DIAPH1: variants seen among roughly 807,000 people sequenced by gnomAD.
DIAPH1 encodes the protein diaphanous related formin 1.
DIAPH1 carries 46 observed loss-of-function variants against 140.7 expected under a neutral mutation model. The observed-to-expected ratio is 0.33, with a 90% CI of 0.26 to 0.42. The LOEUF (loss-of-function observed/expected upper bound fraction) is 0.42. Ranked by LOEUF, DIAPH1 falls within the 10% of genes least tolerant of loss-of-function variation. DIAPH1 has a pLI of 1.00. For missense variants in DIAPH1, 1,310 were observed against 1,558.7 expected (o/e 0.84, Z 2.69); for synonymous variants, 565 against 551.6 (o/e 1.02, Z -0.34).
chr5:141,616,428 C>T (rs940060272), intron 1 of DIAPH1, among the ~76,000 whole-genome samples: 1 of 152,216 alleles, frequency 6.6e-6, no homozygotes, highest in African/African-American at 2.4e-5. Flanking sequence ...GACACATACT[C>T]TAGAAAAGGT....
At chr5:141,520,418 A>G (rs1476966649) in intron 27 of DIAPH1, among the ~76,000 whole-genome samples, 1 of 152,166 alleles carries the variant, frequency 6.6e-6, no homozygotes, top group East Asian at 1.9e-4. Flanking sequence ...TGGATCCCTT[A>G]TGAGTGGCTT....
Position 141,588,255 on chromosome 5 carries a change from G to A in DIAPH1, c.118-5C>T. ...TGCCATGAGCCGCTTCAGAGTCTAG[G>A]AAACAGGAAAAAGGAGGGAGAAGAA... On this transcript the variant is annotated splice_polypyrimidine_tract_variant and splice_region_variant and intron_variant, in intron 1 of 27. Transcript: ENST00000389054. 1 of 1,610,940 alleles carries A rather than the reference G, an allele frequency of 6.2e-7. No individual in the cohort carries two copies. Among genetic ancestry groups the A allele is most frequent in the Non-Finnish European group, 8.5e-7 (1 of 1,177,376 alleles).
chr5:141,525,676 A>G (rs2099887226), intron 26 of DIAPH1, among the ~76,000 whole-genome samples: 1 of 152,198 alleles, frequency 6.6e-6, no homozygotes, highest in Non-Finnish European at 1.5e-5. Flanking sequence ...GAGCGTCAGG[A>G]AAATATTTTA....
intron 18 of DIAPH1, among the ~76,000 whole-genome samples, chr5:141,553,651 C>A (rs1238513510): frequency 6.6e-6 from 1 of 151,256 alleles, no homozygotes; most frequent in African/African-American, 2.4e-5. Context: ...CTCAAAAAAA[C>A]CCCCCAAGAA....
At chr5:141,589,920 T>TC (rs1338668855) in intron 1 of DIAPH1, among the ~76,000 whole-genome samples, 3 of 147,834 alleles carry the variant, frequency 2.0e-5, no homozygotes, top group Non-Finnish European at 4.5e-5. Context: ...TAGTAAATCT[T>TC]TTTTTTTTTT....
chr5:141,536,376 AT>A (rs2099889020), intron 18 of DIAPH1, among the ~76,000 whole-genome samples: 1 of 152,162 alleles, frequency 6.6e-6, no homozygotes, highest in African/African-American at 2.4e-5. Context: ...AAGATTAATT[AT>A]CTCAATAAAT....
At chr5:141,575,175 C>G in intron 14 of DIAPH1, 29 bp from the exon 15 acceptor site, 1 of 1,611,740 alleles carries the variant, frequency 6.2e-7, no homozygotes, top group Middle Eastern at 1.6e-4. Flanking sequence ...AGGCTCCCAG[C>G]AAGCTCTCCA....
At chr5:141,618,647 T>C (rs1161692376) in intron 1 of DIAPH1, 151 bp downstream of exon 1, 2 of 543,226 alleles carry the variant, frequency 3.7e-6, no homozygotes, top group Admixed American at 3.5e-5. Flanking sequence ...AGGGAGAGGA[T>C]GTCGGGCTGC....
chr5:141,569,891 C>G (rs537943634), intron 18 of DIAPH1, among the ~76,000 whole-genome samples: 129 of 152,238 alleles, frequency 8.5e-4, no homozygotes, highest in African/African-American at 3.1e-3. Context: ...AGATCTGGGT[C>G]TTCTGAGTGC....
chr5:141,529,470 A>G, intron 20 of DIAPH1, 133 bp downstream of exon 20: 1 of 966,468 alleles, frequency 1.0e-6, no homozygotes, highest in Admixed American at 1.9e-5. Flanking sequence ...CCACCAGAGA[A>G]AAGGCAGTTT....
chr5:141,582,423 T>C, intron 6 of DIAPH1, 48 bp from the exon 7 acceptor site: 3 of 1,361,238 alleles, frequency 2.2e-6, no homozygotes, highest in Non-Finnish European at 3.2e-6. Flanking sequence ...TCTCTACCCC[T>C]TTCCCATTTT....
At chr5:141,592,534 T>C (rs1596397745) in intron 1 of DIAPH1, among the ~76,000 whole-genome samples, 1 of 150,878 alleles carries the variant, frequency 6.6e-6, no homozygotes, top group African/African-American at 2.4e-5. Flanking sequence ...AACACAGGAG[T>C]CCAGGGAGAT....
rs562917104 is a variant in DIAPH1 at position 141,565,387 on chromosome 5, T to G, written c.2482+6041A>C. ...TTCCCATTCCTTTATTAGAATAACATATGTATATAAAAAGTATGATTTAAC... is the reference window on the plus strand; with the variant it reads ...TTCCCATTCCTTTATTAGAATAACAGATGTATATAAAAAGTATGATTTAAC... On this transcript the variant is annotated intron_variant, in intron 18 of 27. Coordinates refer to ENST00000389054, the MANE Select transcript of DIAPH1 (RefSeq NM_005219.5). The surrounding 1 kb of genome is among the most constrained non-coding windows in gnomAD (Gnocchi z 4.3). 129 of 152,210 alleles carry G rather than the reference T, an allele frequency of 8.5e-4. No individual in the cohort carries two copies. Among genetic ancestry groups the G allele is most frequent in the African/African-American group, 3.1e-3 (127 of 41,454 alleles). The allele number at this position is 152,210 out of a possible 1,614,324, so 9.4% of individuals were successfully genotyped here.
chr5:141,551,735 C>T (rs1174087950), intron 18 of DIAPH1, among the ~76,000 whole-genome samples: 3 of 152,152 alleles, frequency 2.0e-5, no homozygotes, highest in Non-Finnish European at 4.4e-5. Context: ...ATTTTGACTA[C>T]TTTTCTCAGT....
At position 141,524,014 on chromosome 5, in the gene DIAPH1, A is replaced by T. The variant is rs567440755; in HGVS notation, c.3661+129T>A. ...AACATGGGAAGAAGAGGACTAGATA[A>T]TCCGTTCTGGATGCAGGGACTAAAA... On this transcript the variant is annotated intron_variant, in intron 27 of 27. Transcript: ENST00000389054. 146 of 841,006 alleles carry T rather than the reference A, an allele frequency of 1.7e-4. No individual in the cohort carries two copies. The South Asian group carries it at 1.9e-3, about 11-fold the overall frequency. The allele number at this position is 841,006 out of a possible 1,614,324, so 52.1% of individuals were successfully genotyped here.
rs900376579 is a variant in DIAPH1 at position 141,558,504 on chromosome 5, T to C, written c.2482+12924A>G. ...GAACTGCAGGTGGGAGTAAGTGGGATAGAAAAATGGGCTTTTCAAAAACTG... is the reference window on the plus strand; with the variant it reads ...GAACTGCAGGTGGGAGTAAGTGGGACAGAAAAATGGGCTTTTCAAAAACTG... On this transcript the variant is annotated intron_variant, in intron 18 of 27. Coordinates refer to ENST00000389054, the MANE Select transcript of DIAPH1 (RefSeq NM_005219.5). 9 of 152,218 alleles carry C rather than the reference T, an allele frequency of 5.9e-5. No individual in the cohort carries two copies. In the South Asian group the frequency reaches 1.0e-3, roughly 18 times the overall value. 9.4% of individuals were successfully genotyped at this position (152,218 alleles called of 1,614,324 possible). A position where few individuals can be genotyped will look rare whatever the true frequency, so the allele number is the denominator to read the frequency against.
Position 141,618,886 on chromosome 5 carries a change from G to A in DIAPH1, c.29C>T (p.Pro10Leu), listed in dbSNP as rs750068600. The A allele has an allele frequency of 2.0e-6, 3 of 1,516,706 alleles. No homozygotes were observed. The highest frequency in any genetic ancestry group is 5.5e-5 in the East Asian group (2 of 36,398). 94.0% of individuals were successfully genotyped at this position (1,516,706 alleles called of 1,614,324 possible). A position where few individuals can be genotyped will look rare whatever the true frequency, so the allele number is the denominator to read the frequency against. Reference protein sequence around the residue: MEPPGGSLGPGRGTRDKKKG... With the variant: MEPPGGSLGLGRGTRDKKKG... ...CTTCTTGTCCCGGGTCCCGCGGCCG[G>A]GCCCCAGGCTCCCGCCGGGCGGCTC... The change falls in exon 1 of 28, where the codon CCC (proline) becomes CTC (leucine). Residue 10 changes from proline (P) to leucine (L), a missense_variant. Physicochemically the swap from Pro to Leu is moderately conservative, Grantham distance 98 (BLOSUM62 -3). Around this residue, in one of 3 missense-constraint regions of DIAPH1, gnomAD observed 377 missense variants for 497.1 expected, o/e 0.76. Coordinates refer to ENST00000389054, the MANE Select transcript of DIAPH1 (RefSeq NM_005219.5).
At chr5:141,563,880 G>A (rs558457926) in intron 18 of DIAPH1, 1 of 152,272 alleles carries the variant, frequency 6.6e-6, no homozygotes, top group Non-Finnish European at 1.5e-5. Context: ...TTAGACCAGG[G>A]GAATTCCCTG....
At chr5:141,533,977 GC>G (rs2099888637) in intron 19 of DIAPH1, among the ~76,000 whole-genome samples, 1 of 143,400 alleles carries the variant, frequency 7.0e-6, no homozygotes. Context: ...GTGGCAGTGA[GC>G]TGTGATCGCA....
Sources: allele counts gnomAD v4.1 joint callset (sites outside exome capture counted in the v4.1 genomes callset), GRCh38; gene constraint gnomAD v4.1.1; regional missense constraint gnomAD v4.1.1; non-coding constraint Gnocchi (gnomAD v3.1); transcripts MANE v1.5; gene names NCBI Gene and HGNC (gene_info 2026-07-23, HGNC 2026-07-21).